The following GPR89B variants were observed in gnomAD, a reference collection of about 807,000 sequenced individuals.
The protein encoded by GPR89B is golgi pH regulator B.
Under a neutral mutation model 52.4 loss-of-function variants are expected in GPR89B, and 25 were observed. The ratio of observed to expected loss-of-function variants is 0.48; its 90% CI spans 0.35 to 0.67. The LOEUF (loss-of-function observed/expected upper bound fraction) is 0.67. GPR89B is among the 30% of genes least tolerant of loss of function. The pLI, the probability that GPR89B is intolerant of heterozygous loss-of-function variation, is 0.01. For synonymous variants in GPR89B, 52 were observed against 151.2 expected, an observed-to-expected ratio of 0.34 and a Z score of 4.81; for missense variants, 146 against 450.2, an observed-to-expected ratio of 0.32 and a Z score of 6.11.
chr1:147,958,757 C>T (rs1311033735), intron 7 of GPR89B, among the ~76,000 whole-genome samples: 1 of 151,966 alleles, frequency 6.6e-6, no homozygotes, highest in African/African-American at 2.4e-5. Context: ...AGCCCATTTC[C>T]CCTATAATGC....
chr1:147,934,601 G>T (rs1162076939), intron 1 of GPR89B, among the ~76,000 whole-genome samples: 2 of 152,096 alleles, frequency 1.3e-5, no homozygotes, highest in Non-Finnish European at 2.9e-5. Context: ...TACAATATCA[G>T]GTTTTAACCC....
intron 7 of GPR89B, among the ~76,000 whole-genome samples, chr1:147,956,449 A>G (rs2149062493): frequency 1.3e-5 from 2 of 152,276 alleles, no homozygotes; most frequent in Middle Eastern, 3.4e-3. Context: ...GAATTTTGAT[A>G]GGGATTACAT....
At chr1:147,987,311 G>A (rs1658737889) in intron 11 of GPR89B, among the ~76,000 whole-genome samples, 1 of 152,088 alleles carries the variant, frequency 6.6e-6, no homozygotes, top group Non-Finnish European at 1.5e-5. Context: ...CTTGAGTCCA[G>A]GAGTTCAAGA....
the GPR89B span, among the ~76,000 whole-genome samples, chr1:148,002,701 A>G: frequency 6.6e-6 from 1 of 152,112 alleles, no homozygotes; most frequent in Non-Finnish European, 1.5e-5. Context: ...GCCAAGTTCA[A>G]ACTCATCAGT....
chr1:147,950,676 A>G (rs1415703101), intron 5 of GPR89B, among the ~76,000 whole-genome samples: 1 of 152,196 alleles, frequency 6.6e-6, no homozygotes, highest in Non-Finnish European at 1.5e-5. Flanking sequence ...TCCGTCTGCA[A>G]TCCCGGCACC....
At chr1:147,930,853 A>G (rs1187721067) in intron 1 of GPR89B, among the ~76,000 whole-genome samples, 3 of 152,034 alleles carry the variant, frequency 2.0e-5, no homozygotes, top group African/African-American at 7.3e-5. Context: ...TGGCCATGCT[A>G]TGGTGCCTCC....
At chr1:147,995,642 C>G (rs1659299060), downstream of GPR89B, 7 of 1,609,126 alleles carry the variant, frequency 4.4e-6, no homozygotes, top group Non-Finnish European at 5.1e-6. Context: ...CACCACTATT[C>G]CTTCTTTAGA....
At chr1:147,929,595 CAG>C (rs1409245935) in intron 1 of GPR89B, among the ~76,000 whole-genome samples, 1 of 152,166 alleles carries the variant, frequency 6.6e-6, no homozygotes, top group African/African-American at 2.4e-5. Flanking sequence ...CGGCAAATAA[CAG>C]AAACAGTTAC....
intron 10 of GPR89B, among the ~76,000 whole-genome samples, chr1:147,970,491 A>ATCTCTCTCTCTCTCTCTC (rs1174595676): frequency 2.1e-4 from 22 of 105,796 alleles, no homozygotes; most frequent in South Asian, 1.1e-3. Context: ...GTGAGACTCC[A>ATCTCTCTCTCTCTCTCTC]TCTCTCTCTC....
intron 7 of GPR89B, among the ~76,000 whole-genome samples, chr1:147,957,231 G>T (rs1656182215): frequency 6.6e-6 from 1 of 151,934 alleles, no homozygotes; most frequent in African/African-American, 2.4e-5. Flanking sequence ...CTATATCACA[G>T]TGTATAAAAG....
At position 147,978,249 on chromosome 1, in the gene GPR89B, G is replaced by A. The variant is rs1277055445; in HGVS notation, c.910-7950G>A. On this transcript the variant is annotated intron_variant, in intron 10 of 13. Transcript: ENST00000314163. ...TTTTTAACAGTCAGGCCCCTCTTCTGTAGGGCTGCTGCCATTTGTTGGGGG... is the reference window on the plus strand; with the variant it reads ...TTTTTAACAGTCAGGCCCCTCTTCTATAGGGCTGCTGCCATTTGTTGGGGG... Among the ~76,000 whole-genome samples, 47 of 151,932 alleles carry A rather than the reference G, an allele frequency of 3.1e-4. 1 individual carries two copies. Among genetic ancestry groups the A allele is most frequent in the Admixed American group, 5.2e-4 (8 of 15,276 alleles).
At chr1:147,990,025 T>G (rs1419659831) in intron 12 of GPR89B, among the ~76,000 whole-genome samples, 3 of 152,230 alleles carry the variant, frequency 2.0e-5, no homozygotes, top group Non-Finnish European at 4.4e-5. Context: ...TGTAGATCCT[T>G]GAGGAATCGC....
At chr1:147,950,342 C>G (rs1469423999) in intron 5 of GPR89B, among the ~76,000 whole-genome samples, 1 of 150,598 alleles carries the variant, frequency 6.6e-6, no homozygotes, top group South Asian at 2.1e-4. Context: ...GATGGGCGGC[C>G]GGGCAGAGAC....
intron 10 of GPR89B, among the ~76,000 whole-genome samples, chr1:147,985,547 T>C (rs1404269256): frequency 6.6e-6 from 1 of 152,004 alleles, no homozygotes; most frequent in African/African-American, 2.4e-5. Flanking sequence ...CATTTGTGTA[T>C]TGTCTGTGGC....
At chr1:147,934,358 G>T (rs587669214) in intron 1 of GPR89B, among the ~76,000 whole-genome samples, 1 of 152,162 alleles carries the variant, frequency 6.6e-6, no homozygotes, top group East Asian at 1.9e-4. Flanking sequence ...TGTATTTTTT[G>T]TAGAGATGGG....
chr1:147,991,310 C>G (rs1274162273), intron 12 of GPR89B, among the ~76,000 whole-genome samples: 34 of 152,052 alleles, frequency 2.2e-4, no homozygotes, highest in Middle Eastern at 3.2e-3. Context: ...TATCCTGAGA[C>G]TTTGCTGAAG....
the GPR89B span, among the ~76,000 whole-genome samples, chr1:148,005,799 C>T: frequency 4.6e-5 from 7 of 151,694 alleles, no homozygotes; most frequent in East Asian, 9.7e-4. Context: ...TGGGGAGTAA[C>T]ACAGAGATCT....
downstream of GPR89B, among the ~76,000 whole-genome samples, chr1:147,995,164 A>C (rs1477699929): frequency 6.6e-6 from 1 of 151,638 alleles, no homozygotes; most frequent in African/African-American, 2.4e-5. Context: ...ACTTTAATAT[A>C]GTTAATCTTA....
At chr1:147,990,112 C>T (rs1475880242) in intron 12 of GPR89B, among the ~76,000 whole-genome samples, 17 of 152,202 alleles carry the variant, frequency 1.1e-4, no homozygotes, top group Non-Finnish European at 2.4e-4. Context: ...TCTCCACATC[C>T]TCTCCAGCAC....
Sources: gnomAD v4.1 joint callset for allele counts (sites outside exome capture counted in the v4.1 genomes callset) on GRCh38, gnomAD v4.1.1 for gene constraint, MANE v1.5 for transcripts, NCBI Gene and HGNC (gene_info 2026-07-23, HGNC 2026-07-21) for gene names.